Variants in GRB7 observed in about 807,000 individuals in gnomAD.
GRB7 encodes growth factor receptor-bound protein 7.
A neutral mutation model predicts 64.1 loss-of-function variants in GRB7; 47 were observed. The ratio of observed to expected loss-of-function variants is 0.73; its 90% CI spans 0.58 to 0.94. GRB7 has a LOEUF of 0.94. Among genes scored for constraint, GRB7 ranks in the 40% least tolerant of loss-of-function variants. The pLI is 0.00. For synonymous variants in GRB7, 277 were observed against 279.9 expected (o/e 0.99, Z 0.10); for missense variants, 634 against 718.4 (o/e 0.88, Z 1.34).
chr17:39,740,385 G>A (rs1360831770), intron 1 of GRB7, among the ~76,000 whole-genome samples: 1 of 152,188 alleles, frequency 6.6e-6, no homozygotes, highest in Non-Finnish European at 1.5e-5. Flanking sequence ...CCAGGAGAAT[G>A]TGTCAGGAGG....
At chr17:39,745,689 G>C (rs991851736) in intron 11 of GRB7, 39 bp from the exon 12 acceptor site, 1 of 1,608,684 alleles carries the variant, frequency 6.2e-7, no homozygotes, top group African/African-American at 1.3e-5. Flanking sequence ...ATGCCCCCAA[G>C]CACGCCCCGA....
At chr17:39,745,815 C>A in intron 12 of GRB7, 27 bp downstream of exon 12, 1 of 1,613,500 alleles carries the variant, frequency 6.2e-7, no homozygotes. Flanking sequence ...AGTCCTGGGG[C>A]GGGGGCTGCC....
At position 39,745,657 on chromosome 17, in the gene GRB7, T is replaced by C; in HGVS notation, c.1210-71T>C. On this transcript the variant is annotated intron_variant, in intron 11 of 14. Transcript: ENST00000309156. ...GGCCCCTGGCTGGGAAGAAGTGCTC[T>C]ACCTTCCTGAGGTGCTGGGTAATGC... 1.9e-6 allele frequency: 3 copies of C among 1,577,776 alleles called. No homozygotes were observed. In the East Asian group the frequency reaches 6.7e-5, roughly 35 times the overall value.
intron 14 of GRB7, 71 bp from the exon 15 acceptor site, chr17:39,746,680 C>T: frequency 6.5e-7 from 1 of 1,531,242 alleles, no homozygotes; most frequent in Non-Finnish European, 8.9e-7. Flanking sequence ...ATGGTGGGGC[C>T]CTGGCCCAGG....
intron 14 of GRB7, among the ~76,000 whole-genome samples, 171 bp from the exon 15 acceptor site, chr17:39,746,580 C>T (rs2060048311): frequency 6.6e-6 from 1 of 150,642 alleles, no homozygotes; most frequent in South Asian, 2.1e-4. Context: ...GGCACCACCA[C>T]ACTCCAGCCT....
At chr17:39,739,434 AG>A (rs1158553324) in intron 1 of GRB7, among the ~76,000 whole-genome samples, 1 of 152,218 alleles carries the variant, frequency 6.6e-6, no homozygotes, top group Non-Finnish European at 1.5e-5. Flanking sequence ...GGAGTCATCC[AG>A]GGGTTTCTCA....
intron 1 of GRB7, among the ~76,000 whole-genome samples, chr17:39,739,643 C>T (rs954193916): frequency 3.3e-5 from 5 of 152,250 alleles, no homozygotes; most frequent in African/African-American, 1.2e-4. Context: ...CGCCACCTGC[C>T]CTTAGGGCCA....
At chr17:39,739,519 G>T (rs1261237019) in intron 1 of GRB7, among the ~76,000 whole-genome samples, 5 of 152,212 alleles carry the variant, frequency 3.3e-5, no homozygotes, top group Non-Finnish European at 7.3e-5. Flanking sequence ...AGTACTGGGC[G>T]GACGGGGGCT....
chr17:39,742,316 G>A lies in GRB7; in HGVS notation c.15G>A (p.Leu5=). 6.2e-7 allele frequency: 1 copy of A among 1,614,048 alleles called. No individual in the cohort carries two copies. The highest frequency in any genetic ancestry group is 8.5e-7 in the Non-Finnish European group (1 of 1,179,930). Residue 5 remains leucine, a synonymous_variant, in exon 2 of 15, where the codon CTG becomes CTA. Coordinates refer to ENST00000309156, the MANE Select transcript of GRB7 (RefSeq NM_005310.5). The part of the protein sequence containing the change: MELD[L]SPPHLSSSPE... The stretch of plus-strand genomic sequence containing the variant: ...GCTCAGACGCCATGGAGCTGGATCT[G>A]TCTCCACCTCATCTTAGCAGCTCTC...
At chr17:39,741,933 C>G (rs1296741356) in intron 1 of GRB7, among the ~76,000 whole-genome samples, 1 of 144,416 alleles carries the variant, frequency 6.9e-6, no homozygotes, top group African/African-American at 2.6e-5. Flanking sequence ...TTACTTGAAC[C>G]CAGGAGGTGG....
intron 8 of GRB7, 28 bp downstream of exon 8, chr17:39,744,691 G>A (rs573366663): frequency 1.3e-6 from 2 of 1,564,298 alleles, no homozygotes; most frequent in African/African-American, 1.4e-5. Context: ...CCTGGCCCCT[G>A]GCCTGGGGAA....
chr17:39,745,034 C>A lies in GRB7; in HGVS notation c.1011+50C>A, dbSNP rs200979152. 76 of 1,446,342 alleles carry A rather than the reference C, an allele frequency of 5.3e-5. 1 individual carries two copies. The East Asian group carries it at 1.7e-3, about 32-fold the overall frequency. 89.6% of individuals were successfully genotyped at this position (1,446,342 alleles called of 1,614,324 possible). A position where few individuals can be genotyped will look rare whatever the true frequency, so the allele number is the denominator to read the frequency against. On this transcript the variant is annotated intron_variant, in intron 9 of 14. Coordinates refer to ENST00000309156, the MANE Select transcript of GRB7 (RefSeq NM_005310.5). ...GGGCTGGCCTGGCCAGAGGGATCCC[C>A]AGCTCTGCCCTCAGGAAGTCTCAGG...
chr17:39,747,204 G>A lies in GRB7; in HGVS notation c.*307G>A, dbSNP rs564625083. The A allele has an allele frequency of 1.8e-5, 8 of 441,146 alleles. No individual in the cohort carries two copies. In the South Asian group the frequency reaches 2.0e-4, roughly 11 times the overall value. 27.3% of individuals were successfully genotyped at this position (441,146 alleles called of 1,614,324 possible). A position where few individuals can be genotyped will look rare whatever the true frequency, so the allele number is the denominator to read the frequency against. Reference sequence around the variant, plus strand: ...GTGGGGGCAGCCCAGGCGGTTTCACGCCCCACACTTTGTACAGACCGAGAG... The same window carrying A: ...GTGGGGGCAGCCCAGGCGGTTTCACACCCCACACTTTGTACAGACCGAGAG... On this transcript the variant is annotated 3_prime_UTR_variant, in exon 15 of 15. Coordinates refer to ENST00000309156, the MANE Select transcript of GRB7 (RefSeq NM_005310.5).
intron 4 of GRB7, 55 bp from the exon 5 acceptor site, chr17:39,743,125 A>C: frequency 6.2e-7 from 1 of 1,605,358 alleles, no homozygotes; most frequent in Non-Finnish European, 8.5e-7. Flanking sequence ...CATGTGGCTC[A>C]TCCAGGAGAT....
intron 7 of GRB7, 59 bp downstream of exon 7, chr17:39,744,266 C>A: frequency 6.3e-7 from 1 of 1,593,542 alleles, no homozygotes; most frequent in Non-Finnish European, 8.6e-7. Context: ...TTAGAAGTTG[C>A]CCCTTCTCTG....
chr17:39,747,184 G>A lies in GRB7; in HGVS notation c.*287G>A, dbSNP rs9674624. ...GGCAGGGAATTATGGGAGAAGTGGG[G>A]GCAGCCCAGGCGGTTTCACGCCCCA... On this transcript the variant is annotated 3_prime_UTR_variant, in exon 15 of 15. Coordinates refer to ENST00000309156, the MANE Select transcript of GRB7 (RefSeq NM_005310.5). 11,057 of 470,410 alleles carry A rather than the reference G, an allele frequency of 0.024. 923 individuals carry two copies. The highest frequency in any genetic ancestry group is 0.19 in the African/African-American group (9,491 of 50,730). 29.1% of individuals were successfully genotyped at this position (470,410 alleles called of 1,614,324 possible). A position where few individuals can be genotyped will look rare whatever the true frequency, so the allele number is the denominator to read the frequency against.
chr17:39,746,752 G>T lies in GRB7; in HGVS notation c.1454G>T (p.Ser485Ile), dbSNP rs766530204. 31 of 1,613,736 alleles carry T rather than the reference G, an allele frequency of 1.9e-5. No homozygotes were observed. The highest frequency in any genetic ancestry group is 2.5e-5 in the Non-Finnish European group (30 of 1,179,940). Residue 485 changes from serine (S) to isoleucine (I), a missense_variant and splice_region_variant, in exon 15 of 15, where the codon AGC (serine) becomes ATC (isoleucine). Ser to Ile is a moderately radical substitution (Grantham distance 142, BLOSUM62 -2). This residue lies in a region of GRB7 where 467 missense variants were observed against 576.6 expected (regional missense o/e 0.81). Coordinates refer to ENST00000309156, the MANE Select transcript of GRB7 (RefSeq NM_005310.5). ...QKVKHYLILP[S>I]EEEGRLYFSM... ...TCCACCCCCTTTACTGTACCCCAGA[G>T]CGAGGAGGAGGGCCGCCTGTACTTC...
At chr17:39,738,995 G>A (rs2059973405) in intron 1 of GRB7, 2 of 1,428,326 alleles carry the variant, frequency 1.4e-6, no homozygotes. Flanking sequence ...GAGGGGCTCT[G>A]CAGTGCGGTG....
chr17:39,747,273 AT>A lies in GRB7; in HGVS notation c.*382del. 5.0e-6 allele frequency: 1 copy of A among 199,608 alleles called. No individual in the cohort carries two copies. Among genetic ancestry groups the A allele is most frequent in the Admixed American group, 5.9e-5 (1 of 16,822 alleles). The allele number at this position is 199,608 out of a possible 1,614,324, so 12.4% of individuals were successfully genotyped here. ...TTTTATACTAGTGACAATAAAGATT[AT>A]TTTTTGATACACCTATGAGTTCTGT... On this transcript the variant is annotated 3_prime_UTR_variant, in exon 15 of 15. Transcript: ENST00000309156.
Sources: gnomAD v4.1 joint callset for allele counts (sites outside exome capture counted in the v4.1 genomes callset) on GRCh38, gnomAD v4.1.1 for gene constraint, gnomAD v4.1.1 regional missense constraint, MANE v1.5 for transcripts, NCBI Gene and HGNC (gene_info 2026-07-23, HGNC 2026-07-21) for gene names.